TRPC5: variants seen among roughly 807,000 people sequenced by gnomAD.
The protein encoded by TRPC5 is transient receptor potential cation channel subfamily C member 5.
Under a neutral mutation model 56.5 loss-of-function variants are expected in TRPC5, and 9 were observed. That is an observed-to-expected ratio of 0.16 (90% confidence interval 0.10 to 0.28). TRPC5 has a LOEUF of 0.28. Among genes scored for constraint, TRPC5 ranks in the 10% least tolerant of loss-of-function variants. The pLI is 1.00. For missense variants in TRPC5, 469 were observed against 748.9 expected (o/e 0.63, Z 4.36); for synonymous variants, 282 against 278.5 (o/e 1.01, Z -0.13).
chrX:111,877,451 G>A (rs149545660), intron 3 of TRPC5, among the ~76,000 whole-genome samples: 1,652 of 110,907 alleles, frequency 0.015, 29 homozygotes, highest in African/African-American at 0.052. Context: ...CCGAGGACAC[G>A]GAACTTTCAG....
intron 1 of TRPC5, among the ~76,000 whole-genome samples, chrX:112,011,692 G>A (rs1200465315): frequency 9.0e-6 from 1 of 110,782 alleles, no homozygotes; most frequent in African/African-American, 3.3e-5. Flanking sequence ...GCTAAAAGGT[G>A]GCTATTTTGA....
At chrX:111,786,880 T>C (rs888145161) in intron 7 of TRPC5, among the ~76,000 whole-genome samples, 1 of 111,632 alleles carries the variant, frequency 9.0e-6, no homozygotes, top group African/African-American at 3.3e-5. Context: ...CCTAAATATA[T>C]ATGCGCCCAA....
chrX:111,859,858 G>A (rs1223469482), intron 3 of TRPC5, among the ~76,000 whole-genome samples: 3 of 112,489 alleles, frequency 2.7e-5, no homozygotes, highest in Non-Finnish European at 3.8e-5. Flanking sequence ...TTGCATTGAT[G>A]CAAACAACTA....
intron 7 of TRPC5, among the ~76,000 whole-genome samples, chrX:111,816,514 CAA>C (rs1921863356): frequency 8.9e-6 from 1 of 112,207 alleles, no homozygotes; most frequent in South Asian, 3.7e-4. Flanking sequence ...TTGCCTTCAA[CAA>C]AGTCATTTAC....
chrX:111,776,880 A>T lies in TRPC5; in HGVS notation c.2355T>A (p.Asp785Glu). ...TELSQRDDNN[D>E]GSGGARAKSK... The stretch of plus-strand genomic sequence containing the variant: ...ATTTGGCCCGAGCCCCACCACTGCC[A>T]TCATTATTATCGTCTCTCTGAGACA... The change falls in exon 11 of 11, where the codon GAT becomes GAA. Residue 785 changes from aspartate to glutamate, a missense_variant. This residue lies in a region of TRPC5 where 194 missense variants were observed against 221.8 expected (regional missense o/e 0.87). Coordinates refer to ENST00000262839, the MANE Select transcript of TRPC5 (RefSeq NM_012471.3). 1.7e-6 allele frequency: 2 copies of T among 1,211,431 alleles called. No individual in the cohort carries two copies. The highest frequency in any genetic ancestry group is 4.4e-5 in the Admixed American group (2 of 45,933).
At chrX:111,780,891 A>G (rs1406097593) in intron 9 of TRPC5, among the ~76,000 whole-genome samples, 2 of 111,459 alleles carry the variant, frequency 1.8e-5, no homozygotes, top group East Asian at 2.8e-4. Flanking sequence ...GACCAACCAT[A>G]TATTCTATTT....
chrX:111,885,835 C>A (rs1924466584), intron 3 of TRPC5, among the ~76,000 whole-genome samples: 1 of 111,753 alleles, frequency 8.9e-6, no homozygotes, highest in African/African-American at 3.3e-5. Context: ...ACATTGTCTA[C>A]ATCACAAAAT....
In TRPC5 at chrX:111,774,859, A is replaced by G. The variant is rs1206431922; in HGVS notation, c.*1454T>C. On this transcript the variant is annotated 3_prime_UTR_variant, in exon 11 of 11. Coordinates refer to ENST00000262839, the MANE Select transcript of TRPC5 (RefSeq NM_012471.3). ...CCTATTTTACTTTTCTGGGCTACACACTATTTATGTAATCTCTAGGACTCA... is the reference window on the plus strand; with the variant it reads ...CCTATTTTACTTTTCTGGGCTACACGCTATTTATGTAATCTCTAGGACTCA... 9.0e-6 allele frequency: 1 copy of G among 110,757 alleles called. No homozygotes were observed. Among genetic ancestry groups the G allele is most frequent in the Non-Finnish European group, 1.9e-5 (1 of 52,910 alleles). 9.1% of individuals were successfully genotyped at this position (110,757 alleles called of 1,213,427 possible). A position where few individuals can be genotyped will look rare whatever the true frequency, so the allele number is the denominator to read the frequency against.
At chrX:112,034,757 T>A (rs1029397550) in intron 1 of TRPC5, among the ~76,000 whole-genome samples, 2 of 110,775 alleles carry the variant, frequency 1.8e-5, no homozygotes, top group African/African-American at 6.5e-5. Flanking sequence ...TGTTGTGACA[T>A]AATTATTCAT....
In TRPC5 at chrX:111,775,293, A is replaced by G. The variant is rs960513692; in HGVS notation, c.*1020T>C. ...TTTTATAAAGCAGTTAATTAAAATG[A>G]AGATGCTCTTTTCTCATATTTTGAC... On this transcript the variant is annotated 3_prime_UTR_variant, in exon 11 of 11. Transcript: ENST00000262839. The G allele has an allele frequency of 8.9e-6, 1 of 112,217 alleles. No individual in the cohort carries two copies. Among genetic ancestry groups the G allele is most frequent in the African/African-American group, 3.2e-5 (1 of 30,892 alleles). 9.2% of individuals were successfully genotyped at this position (112,217 alleles called of 1,213,427 possible). A position where few individuals can be genotyped will look rare whatever the true frequency, so the allele number is the denominator to read the frequency against.
chrX:111,957,668 A>G (rs935572158), intron 1 of TRPC5, among the ~76,000 whole-genome samples: 1 of 111,817 alleles, frequency 8.9e-6, no homozygotes, highest in Non-Finnish European at 1.9e-5. Context: ...AAAATCTATG[A>G]GAGTGCCAGC....
chrX:112,049,282 A>G (rs1277933930), intron 1 of TRPC5, among the ~76,000 whole-genome samples: 1 of 109,737 alleles, frequency 9.1e-6, no homozygotes, highest in Non-Finnish European at 1.9e-5. Flanking sequence ...TGGAATGCCT[A>G]TTCCTGATTT....
In TRPC5 at chrX:111,770,986, A is replaced by G. The variant is rs185857518; in HGVS notation, c.*5327T>C. 8.9e-6 allele frequency among the ~76,000 whole-genome samples: 1 copy of G among 112,073 alleles called. No individual in the cohort carries two copies. Among genetic ancestry groups the G allele is most frequent in the East Asian group, 2.8e-4 (1 of 3,560 alleles). On this transcript the variant is annotated 3_prime_UTR_variant, in exon 11 of 11. Transcript: ENST00000262839. ...ATGTTAGGTTGCCCCAAAACCTGCTAAAGTCAAAGGGCAAATATGCTGAAA... is the reference window on the plus strand; with the variant it reads ...ATGTTAGGTTGCCCCAAAACCTGCTGAAGTCAAAGGGCAAATATGCTGAAA...
intron 7 of TRPC5, among the ~76,000 whole-genome samples, chrX:111,832,453 T>A (rs3027683): frequency 8.9e-6 from 1 of 112,298 alleles, no homozygotes; most frequent in South Asian, 3.7e-4. Context: ...GGTTTCCCTT[T>A]CTGTAACCTT....
At chrX:112,031,872 T>TTG (rs1250417473) in intron 1 of TRPC5, among the ~76,000 whole-genome samples, 91 of 96,813 alleles carry the variant, frequency 9.4e-4, no homozygotes, top group African/African-American at 3.9e-3. Flanking sequence ...TAATATTCCA[T>TTG]TGTATATATA....
chrX:111,902,748 A>G (rs1925412768), intron 3 of TRPC5: 1 of 112,236 alleles, frequency 8.9e-6, no homozygotes, highest in African/African-American at 3.2e-5. Context: ...AGTACTATCT[A>G]CCAGATAATA....
At chrX:111,862,408 A>G (rs993877086) in intron 3 of TRPC5, among the ~76,000 whole-genome samples, 2 of 111,978 alleles carry the variant, frequency 1.8e-5, no homozygotes, top group African/African-American at 3.2e-5. Flanking sequence ...TAATACTTCT[A>G]TGTATTTTAT....
chrX:112,039,916 G>C (rs1320995255), intron 1 of TRPC5, among the ~76,000 whole-genome samples: 1 of 111,880 alleles, frequency 8.9e-6, no homozygotes, highest in Non-Finnish European at 1.9e-5. Flanking sequence ...TGTGACCTTG[G>C]CATTTACCTG....
At chrX:112,021,189 C>CT (rs901108078) in intron 1 of TRPC5, among the ~76,000 whole-genome samples, 2 of 110,487 alleles carry the variant, frequency 1.8e-5, no homozygotes, top group African/African-American at 6.6e-5. Context: ...AGCTTTTTCT[C>CT]TTTTTTTTCT....
Sources: allele counts gnomAD v4.1 joint callset (sites outside exome capture counted in the v4.1 genomes callset), GRCh38; gene constraint gnomAD v4.1.1; regional missense constraint gnomAD v4.1.1; transcripts MANE v1.5; gene names NCBI Gene and HGNC (gene_info 2026-07-23, HGNC 2026-07-21).